ACACB: variants seen among roughly 807,000 people sequenced by gnomAD.
ACACB encodes acetyl-CoA carboxylase 2.
A neutral mutation model predicts 278.8 loss-of-function variants in ACACB; 209 were observed. That is an observed-to-expected ratio of 0.75 (90% CI 0.67 to 0.84). The LOEUF is 0.84. Ranked by LOEUF, ACACB falls within the 40% of genes least tolerant of loss-of-function variation. The probability of loss-of-function intolerance (pLI) is 0.00; values close to 1 mark genes in which losing one functional copy is unlikely to be tolerated. For synonymous variants in ACACB, 1,174 were observed against 1,285.6 expected (o/e 0.91, Z 1.86); for missense variants, 2,850 against 3,269.0 (o/e 0.87, Z 3.13).
Position 109,256,197 on chromosome 12 carries a change from T to A in ACACB, c.6224T>A (p.Met2075Lys). 1 of 1,614,004 alleles carries A rather than the reference T, an allele frequency of 6.2e-7. No homozygotes were observed. The highest frequency in any genetic ancestry group is 8.5e-7 in the Non-Finnish European group (1 of 1,179,936). Reference sequence around the variant, plus strand: ...GACCACGGCAGTTTCAAGGAAATCATGGCACCCTGGGCGCAGACCGTGGTG... The same window carrying A: ...GACCACGGCAGTTTCAAGGAAATCAAGGCACCCTGGGCGCAGACCGTGGTG... ...FFDHGSFKEIMAPWAQTVVTG... is the reference protein window; with the variant it reads ...FFDHGSFKEIKAPWAQTVVTG... Residue 2075 changes from methionine to lysine, a missense_variant, in exon 45 of 53, where the codon ATG becomes AAG. By Grantham distance (95) the Met-to-Lys change is moderately conservative. Transcript: ENST00000338432.
At chr12:109,250,269 C>T (rs1049464995) in intron 41 of ACACB, among the ~76,000 whole-genome samples, 165 bp downstream of exon 41, 2 of 152,192 alleles carry the variant, frequency 1.3e-5, no homozygotes, top group Non-Finnish European at 2.9e-5. Flanking sequence ...TCACCCCCAT[C>T]CCCTGCACCT....
chr12:109,187,903 C>T (rs372236661), intron 12 of ACACB, 96 bp from the exon 13 acceptor site: 52 of 1,420,334 alleles, frequency 3.7e-5, no homozygotes, highest in Middle Eastern at 4.1e-4. Flanking sequence ...TTTTGGTCAG[C>T]GTAGGGGTTC....
At chr12:109,254,787 T>A (rs2047182723) in intron 44 of ACACB, among the ~76,000 whole-genome samples, 1 of 152,092 alleles carries the variant, frequency 6.6e-6, no homozygotes, top group African/African-American at 2.4e-5. Flanking sequence ...TCTTCTTTTT[T>A]TTTTTTTGAG....
chr12:109,136,940 C>T (rs1184867473), intron 1 of ACACB, among the ~76,000 whole-genome samples: 2 of 152,220 alleles, frequency 1.3e-5, no homozygotes, highest in Admixed American at 6.5e-5. Flanking sequence ...TTAAAGCTAT[C>T]AGCCTTTCCC....
At chr12:109,166,260 T>C (rs2043891252) in intron 2 of ACACB, among the ~76,000 whole-genome samples, 2 of 152,200 alleles carry the variant, frequency 1.3e-5, no homozygotes, top group African/African-American at 2.4e-5. Context: ...AGTTTTTTAG[T>C]ATTATTCAGG....
At chr12:109,111,229 G>A in the ACACB span, 2 of 152,394 alleles carry the variant, frequency 1.3e-5, no homozygotes, top group African/African-American at 2.4e-5. Flanking sequence ...CGAGCACCGT[G>A]GAGCACCGGC....
Position 109,222,835 on chromosome 12 carries a change from C to T in ACACB, c.3715C>T (p.Arg1239Trp), listed in dbSNP as rs367785362. 198 of 1,613,738 alleles carry T rather than the reference C, an allele frequency of 1.2e-4. No individual in the cohort carries two copies. Among genetic ancestry groups the T allele is most frequent in the Non-Finnish European group, 1.5e-4 (176 of 1,179,902 alleles). ...CTCCCACCTCCCCTCCTACGAGCTG[C>T]GGCATAACCAGGTGGAGTCCATTTT... ...IASHLPSYEL[R>W]HNQVESIFLS... Residue 1239 changes from arginine to tryptophan, a missense_variant, in exon 26 of 53, where the codon CGG becomes TGG. By Grantham distance (101) the Arg-to-Trp change is moderately radical (BLOSUM62 -3). This residue lies in a region of ACACB where 2,265 missense variants were observed against 2,561.3 expected (regional missense o/e 0.88). Transcript: ENST00000338432.
chr12:109,164,028 T>G (rs183347135), intron 2 of ACACB, among the ~76,000 whole-genome samples: 15 of 152,130 alleles, frequency 9.9e-5, no homozygotes, highest in African/African-American at 3.4e-4. Context: ...TGCAGCCTCA[T>G]TGGTGGAAGC....
intron 2 of ACACB, among the ~76,000 whole-genome samples, chr12:109,145,449 C>T (rs1233168920): frequency 6.6e-6 from 1 of 152,098 alleles, no homozygotes; most frequent in Non-Finnish European, 1.5e-5. Flanking sequence ...ATTCCTTACC[C>T]CTTCCCACCA....
intron 2 of ACACB, among the ~76,000 whole-genome samples, chr12:109,153,793 G>T (rs2043442472): frequency 6.6e-6 from 1 of 152,120 alleles, no homozygotes; most frequent in South Asian, 2.1e-4. Flanking sequence ...CTCTCGAGTA[G>T]CTGGGACTAC....
intron 3 of ACACB, among the ~76,000 whole-genome samples, chr12:109,167,654 T>TATATATATATA (rs71079531): frequency 5.8e-4 from 81 of 138,604 alleles, no homozygotes; most frequent in Non-Finnish European, 7.4e-4. Context: ...TATATATATA[T>TATATATATATA]TTCAGACAAA....
chr12:109,244,755 G>GCTGT (rs150556880), intron 37 of ACACB, among the ~76,000 whole-genome samples: 2 of 151,830 alleles, frequency 1.3e-5, no homozygotes, highest in Admixed American at 1.3e-4. Flanking sequence ...ACCACACCCA[G>GCTGT]CTGTCTGTCT....
chr12:109,246,308 C>T lies in ACACB; in HGVS notation c.5431C>T (p.Leu1811=), dbSNP rs1400138096. Residue 1811 remains leucine, a synonymous_variant, in exon 39 of 53, where the codon CTG becomes TTG. Coordinates refer to ENST00000338432, the MANE Select transcript of ACACB (RefSeq NM_001093.4). ...SFGPGEDLLY[L]RASEMARAEG... is the part of the protein sequence containing the mutation. ...TGGCCCTGGAGAGGACCTTCTGTACCTGCGGGCATCCGAGATGGCCCGGGC... is the reference window on the plus strand; with the variant it reads ...TGGCCCTGGAGAGGACCTTCTGTACTTGCGGGCATCCGAGATGGCCCGGGC... The T allele has an allele frequency of 6.2e-7, 1 of 1,612,144 alleles. No homozygotes were observed. Among genetic ancestry groups the T allele is most frequent in the East Asian group, 2.2e-5 (1 of 44,814 alleles).
chr12:109,167,758 A>G, intron 3 of ACACB, 138 bp from the exon 4 acceptor site: 1 of 1,301,132 alleles, frequency 7.7e-7, no homozygotes, highest in Non-Finnish European at 1.1e-6. Context: ...CCATGGAAAT[A>G]CATAGAAATA....
intron 17 of ACACB, 89 bp downstream of exon 17, chr12:109,197,242 G>C (rs1314678749): frequency 6.7e-7 from 1 of 1,481,482 alleles, no homozygotes; most frequent in Non-Finnish European, 9.0e-7. Context: ...CTGTGTGCAG[G>C]TCCAAGGGTC....
At chr12:109,258,862 G>T in intron 46 of ACACB, 111 bp from the exon 47 acceptor site, 6 of 1,390,974 alleles carry the variant, frequency 4.3e-6, no homozygotes, top group Non-Finnish European at 5.0e-6. Flanking sequence ...TGGTGCTGGG[G>T]CCAGCACAGA....
chr12:109,134,380 G>A (rs2042918393), intron 1 of ACACB, among the ~76,000 whole-genome samples: 1 of 152,208 alleles, frequency 6.6e-6, no homozygotes. Flanking sequence ...CCATTCAGCA[G>A]GGGTCAGGTT....
chr12:109,251,795 A>C (rs1423912948), intron 41 of ACACB, among the ~76,000 whole-genome samples: 1 of 152,192 alleles, frequency 6.6e-6, no homozygotes, highest in Non-Finnish European at 1.5e-5. Context: ...AAAATCTGAA[A>C]CATTCACTGT....
At chr12:109,225,112 G>A (rs1193336876) in intron 27 of ACACB, among the ~76,000 whole-genome samples, 1 of 152,156 alleles carries the variant, frequency 6.6e-6, no homozygotes, top group Non-Finnish European at 1.5e-5. Flanking sequence ...CTCACTCTTT[G>A]TTTCTAACAG....
Sources: gnomAD v4.1 joint callset for allele counts (sites outside exome capture counted in the v4.1 genomes callset) on GRCh38, gnomAD v4.1.1 for gene constraint, gnomAD v4.1.1 regional missense constraint, MANE v1.5 for transcripts, NCBI Gene and HGNC (gene_info 2026-07-23, HGNC 2026-07-21) for gene names.